The following ENOX1 variants were observed in gnomAD, a reference collection of about 807,000 sequenced individuals.
ENOX1 encodes the protein candidate growth-related and time keeping constitutive hydroquinone (NADH) oxidase.
Under a neutral mutation model 82.5 loss-of-function variants are expected in ENOX1, and 42 were observed. That is an observed-to-expected ratio of 0.51 (90% CI 0.40 to 0.66). The LOEUF (loss-of-function observed/expected upper bound fraction) is 0.66, where lower values mean the gene tolerates loss of function less well. Among genes scored for constraint, ENOX1 ranks in the 30% least tolerant of loss-of-function variants. The pLI, the probability that ENOX1 is intolerant of heterozygous loss-of-function variation, is 0.00. For synonymous variants in ENOX1, 271 were observed against 282.2 expected, an observed-to-expected ratio of 0.96 and a Z score of 0.40; for missense variants, 608 against 811.6, an observed-to-expected ratio of 0.75 and a Z score of 3.05.
chr13:43,417,394 T>C (rs2054689271), intron 3 of ENOX1, among the ~76,000 whole-genome samples: 1 of 152,222 alleles, frequency 6.6e-6, no homozygotes, highest in Non-Finnish European at 1.5e-5. Context: ...CGTGACATTG[T>C]TCACAAAATT....
At chr13:43,752,090 G>T (rs1476802121) in intron 1 of ENOX1, among the ~76,000 whole-genome samples, 1 of 151,920 alleles carries the variant, frequency 6.6e-6, no homozygotes, top group African/African-American at 2.4e-5. Flanking sequence ...GTCTATTGTT[G>T]TATTATCTCA....
rs909664383 is a variant in ENOX1 at position 43,605,106 on chromosome 13, T to A, written c.-219+62373A>T. On this transcript the variant is annotated intron_variant, in intron 2 of 16. Transcript: ENST00000690772. ...AAATAAAATACATAAAAATATGTAT[T>A]TTACAAAAATATCTACAATGAAAAT... Among the ~76,000 whole-genome samples the A allele has an allele frequency of 7.2e-5, 11 of 152,104 alleles. No individual in the cohort carries two copies. In the South Asian group the frequency reaches 2.3e-3, roughly 32 times the overall value.
At chr13:43,603,389 ATTTTATTATTATTATAC>A (rs2081823079) in intron 2 of ENOX1, among the ~76,000 whole-genome samples, 1 of 126,288 alleles carries the variant, frequency 7.9e-6, no homozygotes, top group Non-Finnish European at 1.6e-5. Flanking sequence ...TTATTTATTT[ATTTTATTATTATTATAC>A]TTTAAGTTTT....
chr13:43,247,888 T>A, intron 14 of ENOX1, among the ~76,000 whole-genome samples: 1 of 12,816 alleles, frequency 7.8e-5, no homozygotes, highest in Non-Finnish European at 1.5e-4. Flanking sequence ...TATATATTTT[T>A]TTTTTTTTTT....
At chr13:43,523,716 G>A (rs912513024) in intron 2 of ENOX1, among the ~76,000 whole-genome samples, 1 of 152,054 alleles carries the variant, frequency 6.6e-6, no homozygotes, top group African/African-American at 2.4e-5. Flanking sequence ...GGTAGCCTCT[G>A]AGGCCCCCTA....
intron 2 of ENOX1, among the ~76,000 whole-genome samples, chr13:43,600,352 G>A (rs1395052157): frequency 2.0e-5 from 3 of 152,174 alleles, no homozygotes; most frequent in African/African-American, 4.8e-5. Context: ...CAAGTTGAAC[G>A]AAGAGCCCTT....
chr13:43,513,327 A>T (rs2077441261), intron 2 of ENOX1, among the ~76,000 whole-genome samples: 1 of 152,120 alleles, frequency 6.6e-6, no homozygotes, highest in African/African-American at 2.4e-5. Context: ...CATTAAAAAA[A>T]TTGTTTTCAG....
chr13:43,519,896 G>A (rs2077696947), intron 2 of ENOX1, among the ~76,000 whole-genome samples: 1 of 152,124 alleles, frequency 6.6e-6, no homozygotes, highest in Non-Finnish European at 1.5e-5. Flanking sequence ...TGCAGAATTG[G>A]TCTGGACTTG....
At chr13:43,712,079 A>C (rs1191936964) in intron 1 of ENOX1, among the ~76,000 whole-genome samples, 4 of 151,818 alleles carry the variant, frequency 2.6e-5, no homozygotes, top group Non-Finnish European at 5.9e-5. Flanking sequence ...TCTTTAATCC[A>C]TCTGGAATTA....
chr13:43,477,726 T>C (rs558897010), intron 3 of ENOX1, among the ~76,000 whole-genome samples: 1 of 152,152 alleles, frequency 6.6e-6, no homozygotes, highest in South Asian at 2.1e-4. Flanking sequence ...CTTTATGGGG[T>C]GTGAATATGA....
chr13:43,387,960 A>C (rs2052532658), intron 5 of ENOX1, among the ~76,000 whole-genome samples: 1 of 152,186 alleles, frequency 6.6e-6, no homozygotes, highest in Admixed American at 6.5e-5. Context: ...CTGCTCAGGA[A>C]AAGTTAACCA....
At chr13:43,490,811 C>T (rs1441595452) in intron 2 of ENOX1, among the ~76,000 whole-genome samples, 2 of 152,120 alleles carry the variant, frequency 1.3e-5, no homozygotes, top group South Asian at 2.1e-4. Flanking sequence ...TATAAATTAC[C>T]CCATCTATTG....
intron 2 of ENOX1, among the ~76,000 whole-genome samples, chr13:43,640,645 G>T (rs1340392596): frequency 6.6e-6 from 1 of 152,006 alleles, no homozygotes; most frequent in Non-Finnish European, 1.5e-5. Context: ...ATTCTCAATA[G>T]GAAAAGACTG....
At chr13:43,426,624 C>A (rs2055320232) in intron 3 of ENOX1, among the ~76,000 whole-genome samples, 1 of 152,042 alleles carries the variant, frequency 6.6e-6, no homozygotes, top group Admixed American at 6.6e-5. Context: ...AAGAAAATAA[C>A]CAGCAACTAG....
At chr13:43,448,784 C>T (rs2056797383) in intron 3 of ENOX1, among the ~76,000 whole-genome samples, 1 of 152,200 alleles carries the variant, frequency 6.6e-6, no homozygotes, top group African/African-American at 2.4e-5. Context: ...ACTCTCCTGG[C>T]AACCAAGAAA....
chr13:43,402,751 C>T (rs1042140232), intron 5 of ENOX1, among the ~76,000 whole-genome samples: 22 of 152,326 alleles, frequency 1.4e-4, no homozygotes, highest in African/African-American at 5.3e-4. Flanking sequence ...ATCCAATATA[C>T]AATAATTCAC....
At chr13:43,354,008 C>T (rs77386897) in intron 8 of ENOX1, among the ~76,000 whole-genome samples, 377 of 152,308 alleles carry the variant, frequency 2.5e-3, no homozygotes, top group Non-Finnish European at 3.9e-3. Context: ...CTAGATGATA[C>T]GCTTTTATGA....
intron 3 of ENOX1, chr13:43,458,396 C>G (rs2057322473): frequency 6.6e-6 from 1 of 152,090 alleles, no homozygotes; most frequent in Admixed American, 6.5e-5. Context: ...GATATTGAAA[C>G]CTTAAGCTGT....
At chr13:43,772,928 G>T (rs929305275) in intron 1 of ENOX1, among the ~76,000 whole-genome samples, 2 of 152,054 alleles carry the variant, frequency 1.3e-5, no homozygotes, top group African/African-American at 2.4e-5. Flanking sequence ...AATAGTGTAT[G>T]GATCACCCTT....
Sources: allele counts gnomAD v4.1 joint callset (sites outside exome capture counted in the v4.1 genomes callset), GRCh38; gene constraint gnomAD v4.1.1; transcripts MANE v1.5; gene names NCBI Gene and HGNC (gene_info 2026-07-23, HGNC 2026-07-21).